The following PCDHGA8 variants were observed in gnomAD, a reference collection of about 807,000 sequenced individuals.
The protein encoded by PCDHGA8 is protocadherin gamma-A8.
In PCDHGA8, 45 loss-of-function variants were observed where a neutral mutation model predicts 59.2. That is an observed-to-expected ratio of 0.76 (90% confidence interval 0.60 to 0.98). The LOEUF is 0.98. Ranked by LOEUF, PCDHGA8 falls within the 50% of genes least tolerant of loss-of-function variation. The pLI, the probability that PCDHGA8 is intolerant of heterozygous loss-of-function variation, is 0.00. For missense variants in PCDHGA8, 1,257 were observed against 1,196.2 expected (o/e 1.05, Z -0.75); for synonymous variants, 531 against 519.0 (o/e 1.02, Z -0.32).
At position 141,511,519 on chromosome 5, in the gene PCDHGA8, C is replaced by A; in HGVS notation, c.*346C>A. On this transcript the variant is annotated 3_prime_UTR_variant, in exon 4 of 4. Transcript: ENST00000398604. ...CCAAATCAATCAGGCCCATCCATCC[C>A]ATGCCTCCCTCCTCCCCACCCCACT... 2.7e-6 allele frequency: 1 copy of A among 367,516 alleles called. No individual in the cohort carries two copies. The highest frequency in any genetic ancestry group is 2.7e-5 in the South Asian group (1 of 36,848). 22.8% of individuals were successfully genotyped at this position (367,516 alleles called of 1,614,324 possible). A position where few individuals can be genotyped will look rare whatever the true frequency, so the allele number is the denominator to read the frequency against.
intron 1 of PCDHGA8, chr5:141,420,931 AATC>A: frequency 2.7e-6 from 1 of 369,128 alleles, no homozygotes; most frequent in African/African-American, 2.1e-5. Context: ...AGGTGAGCGT[AATC>A]ATTTCTTCTG....
At chr5:141,452,887 C>T (rs1000136303) in intron 1 of PCDHGA8, among the ~76,000 whole-genome samples, 1 of 152,174 alleles carries the variant, frequency 6.6e-6, no homozygotes, top group Non-Finnish European at 1.5e-5. Flanking sequence ...ATAATTTATT[C>T]CACTTTTATT....
intron 1 of PCDHGA8, chr5:141,399,723 C>T: frequency 6.2e-7 from 1 of 1,613,322 alleles, no homozygotes; most frequent in Non-Finnish European, 8.5e-7. Flanking sequence ...AGGCCCGCGA[C>T]CAGGGCTCGC....
intron 1 of PCDHGA8, among the ~76,000 whole-genome samples, chr5:141,433,999 A>G (rs1471657184): frequency 6.6e-6 from 1 of 152,070 alleles, no homozygotes; most frequent in Admixed American, 6.6e-5. Context: ...TATATTCTCT[A>G]TATATGTTTG....
At chr5:141,450,046 G>A (rs1390669307) in intron 1 of PCDHGA8, among the ~76,000 whole-genome samples, 4 of 121,108 alleles carry the variant, frequency 3.3e-5, no homozygotes, top group Admixed American at 1.1e-4. Context: ...TCACTCTTTC[G>A]CCCAGGCTGG....
At position 141,431,337 on chromosome 5, in the gene PCDHGA8, A is replaced by C. The variant is rs1412811147; in HGVS notation, c.2424+36100A>C. On this transcript the variant is annotated intron_variant, in intron 1 of 3. Coordinates refer to ENST00000398604, the MANE Select transcript of PCDHGA8 (RefSeq NM_032088.2). The surrounding 1 kb of genome is among the most constrained non-coding windows in gnomAD (Gnocchi z 4.8). ...GGAGCCGACGGTAGTAAGTACCCCG[A>C]ATTGGTGCTGAAACGCGCCCTGGAC... 6.2e-7 allele frequency: 1 copy of C among 1,613,926 alleles called. No homozygotes were observed. The highest frequency in any genetic ancestry group is 1.7e-5 in the Admixed American group (1 of 60,006).
rs985055027 is a variant in PCDHGA8, at chr5:141,394,434, C to A, written c.1621C>A (p.Pro541Thr). 1 of 1,614,248 alleles carries A rather than the reference C, an allele frequency of 6.2e-7. No homozygotes were observed. The highest frequency in any genetic ancestry group is 2.2e-5 in the East Asian group (1 of 44,872). The change falls in exon 1 of 4, where the codon CCC becomes ACC. Residue 541 changes from proline to threonine, a missense_variant. Coordinates refer to ENST00000398604, the MANE Select transcript of PCDHGA8 (RefSeq NM_032088.2). ...LVTASDSGDP[P>T]LSSNMSLSLF... ...AACAGCCAGCGACAGCGGGGACCCG[C>A]CCCTCAGCAGCAACATGTCACTGAG...
rs553860713 is a variant in PCDHGA8, at chr5:141,410,124, G to C, written c.2424+14887G>C. On this transcript the variant is annotated intron_variant, in intron 1 of 3. Coordinates refer to ENST00000398604, the MANE Select transcript of PCDHGA8 (RefSeq NM_032088.2). ...GGCGACAGGGACGCAGCCCGCCAGC[G>C]CCTGCTGGTCGCTGTGCGTGACGGT... is the stretch of plus-strand genomic sequence containing the variant. 1.2e-5 allele frequency: 20 copies of C among 1,612,726 alleles called. No homozygotes were observed. In the South Asian group the frequency reaches 2.2e-4, roughly 18 times the overall value.
At chr5:141,409,576 G>C (rs1238671221) in intron 1 of PCDHGA8, 52 of 1,613,806 alleles carry the variant, frequency 3.2e-5, no homozygotes, top group Non-Finnish European at 4.2e-5. Flanking sequence ...CGTCCTACGT[G>C]GTCCACGTGG....
chr5:141,422,508 C>T (rs2096653251), intron 1 of PCDHGA8: 1 of 1,613,984 alleles, frequency 6.2e-7, no homozygotes, highest in Non-Finnish European at 8.5e-7. Flanking sequence ...CAGCCACAGA[C>T]CAGGGAAGCC....
At chr5:141,398,314 A>C in intron 1 of PCDHGA8, 1 of 1,348,682 alleles carries the variant, frequency 7.4e-7, no homozygotes, top group Non-Finnish European at 1.0e-6. Context: ...GGAGTTACCG[A>C]CTCGAAAACT....
chr5:141,419,443 C>G lies in PCDHGA8; in HGVS notation c.2424+24206C>G, dbSNP rs1476796525. ...TCGACCACGAGCAGCTGCGCACCTT[C>G]GAGCTCACGCTGCAGGCCCGCGACC... On this transcript the variant is annotated intron_variant, in intron 1 of 3. Coordinates refer to ENST00000398604, the MANE Select transcript of PCDHGA8 (RefSeq NM_032088.2). 6.2e-7 allele frequency: 1 copy of G among 1,613,080 alleles called. No individual in the cohort carries two copies. Among genetic ancestry groups the G allele is most frequent in the Non-Finnish European group, 8.5e-7 (1 of 1,179,758 alleles).
At chr5:141,456,837 C>G (rs550771859) in intron 1 of PCDHGA8, among the ~76,000 whole-genome samples, 70 of 152,194 alleles carry the variant, frequency 4.6e-4, no homozygotes, top group Non-Finnish European at 8.2e-4. Context: ...GTAGTGGGCG[C>G]CTGTAATCCC....
In PCDHGA8 at chr5:141,486,440, A is replaced by G; in HGVS notation, c.2425-8367A>G. 6.2e-7 allele frequency: 1 copy of G among 1,614,114 alleles called. No individual in the cohort carries two copies. The highest frequency in any genetic ancestry group is 8.5e-7 in the Non-Finnish European group (1 of 1,179,936). On this transcript the variant is annotated intron_variant, in intron 1 of 3. Coordinates refer to ENST00000398604, the MANE Select transcript of PCDHGA8 (RefSeq NM_032088.2). This position sits in a 1 kb window ranked among gnomAD's most constrained non-coding sequence, Gnocchi z 5.0. ...TCGAGAGGCCAAATCTAGCTATGACATCATGGTCACTGCTTCTGATGCTGG... is the reference window on the plus strand; with the variant it reads ...TCGAGAGGCCAAATCTAGCTATGACGTCATGGTCACTGCTTCTGATGCTGG...
chr5:141,415,880 A>G, intron 1 of PCDHGA8: 1 of 1,003,078 alleles, frequency 1.0e-6, no homozygotes. Flanking sequence ...TGAGTACAAT[A>G]TTGACAATTC....
intron 1 of PCDHGA8, chr5:141,423,156 C>T (rs62378456): frequency 0.034 from 55,171 of 1,613,388 alleles, 1,070 homozygotes; most frequent in Middle Eastern, 0.098. Context: ...AGCAGAGCCT[C>T]GTGGTGGCCG....
At position 141,477,632 on chromosome 5, in the gene PCDHGA8, G is replaced by A. The variant is rs1262622928; in HGVS notation, c.2425-17175G>A. Reference sequence around the variant, plus strand: ...GGAGCAAGGAGCTGAAACCGGGCTAGTGGGTCGCTATTTCACAATAAATCG... The same window carrying A: ...GGAGCAAGGAGCTGAAACCGGGCTAATGGGTCGCTATTTCACAATAAATCG... On this transcript the variant is annotated intron_variant, in intron 1 of 3. Coordinates refer to ENST00000398604, the MANE Select transcript of PCDHGA8 (RefSeq NM_032088.2). This position sits in a 1 kb window ranked among gnomAD's most constrained non-coding sequence, Gnocchi z 4.9. 6.8e-6 allele frequency: 11 copies of A among 1,614,218 alleles called. No homozygotes were observed. Among genetic ancestry groups the A allele is most frequent in the Non-Finnish European group, 9.3e-6 (11 of 1,180,046 alleles).
intron 1 of PCDHGA8, among the ~76,000 whole-genome samples, chr5:141,463,095 G>C (rs1299676667): frequency 6.6e-6 from 1 of 152,098 alleles, no homozygotes; most frequent in African/African-American, 2.4e-5. Context: ...AGCCCTATGT[G>C]ACCATCAAGA....
chr5:141,490,419 G>C lies in PCDHGA8; in HGVS notation c.2425-4388G>C. The C allele has an allele frequency of 6.2e-7, 1 of 1,614,170 alleles. No homozygotes were observed. Among genetic ancestry groups the C allele is most frequent in the Non-Finnish European group, 8.5e-7 (1 of 1,180,020 alleles). ...TGAGCCTTGATATCTCTCCGGACCT[G>C]CCATTTCAGATTAAGCCTTCTGAGA... On this transcript the variant is annotated intron_variant, in intron 1 of 3. Transcript: ENST00000398604. The surrounding 1 kb of genome is among the most constrained non-coding windows in gnomAD (Gnocchi z 5.4).
Sources: allele counts gnomAD v4.1 joint callset (sites outside exome capture counted in the v4.1 genomes callset), GRCh38; gene constraint gnomAD v4.1.1; non-coding constraint Gnocchi (gnomAD v3.1); transcripts MANE v1.5; gene names NCBI Gene and HGNC (gene_info 2026-07-23, HGNC 2026-07-21).